WFDC10B: variants seen among roughly 807,000 people sequenced by gnomAD.
WFDC10B encodes WAP four-disulfide core domain 10B.
In WFDC10B, 1 loss-of-function variant was observed where a neutral mutation model predicts 2.7. That is an observed-to-expected ratio of 0.38 (90% CI 0.13 to 1.79). The LOEUF (loss-of-function observed/expected upper bound fraction) is 1.79, where lower values mean the gene tolerates loss of function less well. WFDC10B is among the 40% of genes most tolerant of loss of function. The pLI is 0.33. For missense variants in WFDC10B, 71 were observed against 87.8 expected (o/e 0.81, Z 0.76); for synonymous variants, 26 against 32.2 (o/e 0.81, Z 0.65).
chr20:45,691,121 T>C (rs1983798419), intron 2 of WFDC10B, among the ~76,000 whole-genome samples: 1 of 152,182 alleles, frequency 6.6e-6, no homozygotes. Context: ...AGCAGGTTGT[T>C]CAGTTTCCAT....
chr20:45,689,741 G>A (rs1411311072), intron 2 of WFDC10B, among the ~76,000 whole-genome samples: 5 of 152,266 alleles, frequency 3.3e-5, no homozygotes, highest in African/African-American at 9.6e-5. Context: ...GAGATTTTGG[G>A]CTGAGACAAT....
chr20:45,698,523 C>A (rs1245899574), intron 2 of WFDC10B, among the ~76,000 whole-genome samples: 4 of 147,938 alleles, frequency 2.7e-5, no homozygotes, highest in African/African-American at 7.5e-5. Context: ...TTGAAAAAAT[C>A]ATCTATCTGG....
At chr20:45,702,064 A>T in intron 2 of WFDC10B, 1 of 1,512,380 alleles carries the variant, frequency 6.6e-7, no homozygotes, top group Non-Finnish European at 9.1e-7. Flanking sequence ...TCCTCACAGC[A>T]GTGCCTGGTC....
At chr20:45,686,157 G>A (rs1983610623) in intron 2 of WFDC10B, 101 bp from the exon 3 acceptor site, 1 of 1,374,882 alleles carries the variant, frequency 7.3e-7, no homozygotes, top group South Asian at 1.5e-5. Context: ...TCCTGCCCTT[G>A]CCTTCTCCTG....
intron 2 of WFDC10B, among the ~76,000 whole-genome samples, chr20:45,692,369 C>T (rs181659281): frequency 2.0e-5 from 3 of 151,938 alleles, no homozygotes; most frequent in Admixed American, 6.6e-5. Context: ...TTTCCTGAAT[C>T]TGAATGTTGG....
At chr20:45,695,126 G>A (rs1015951739) in intron 2 of WFDC10B, among the ~76,000 whole-genome samples, 8 of 152,198 alleles carry the variant, frequency 5.3e-5, no homozygotes, top group African/African-American at 1.7e-4. Context: ...TTTCAGATGG[G>A]ATTGTGGGAG....
At chr20:45,696,602 A>G (rs753252543) in intron 2 of WFDC10B, among the ~76,000 whole-genome samples, 2 of 147,834 alleles carry the variant, frequency 1.4e-5, no homozygotes, top group Non-Finnish European at 2.9e-5. Flanking sequence ...TAAAAAAATT[A>G]TAAGAGAATA....
At chr20:45,699,062 AT>A (rs1460362435) in intron 2 of WFDC10B, among the ~76,000 whole-genome samples, 4 of 152,208 alleles carry the variant, frequency 2.6e-5, no homozygotes, top group Admixed American at 2.6e-4. Flanking sequence ...GGAAATACAA[AT>A]AAAAACCATG....
At chr20:45,704,687 C>CT (rs11361717) in intron 1 of WFDC10B, 126 bp from the exon 2 acceptor site, 65,877 of 1,295,478 alleles carry the variant, frequency 0.051, no homozygotes, top group Non-Finnish European at 0.059. Context: ...TGGATCTCTC[C>CT]TTTTTTTTTT....
chr20:45,690,154 G>A (rs1346359052), intron 2 of WFDC10B, among the ~76,000 whole-genome samples: 77 of 151,820 alleles, frequency 5.1e-4, no homozygotes, highest in African/African-American at 1.5e-3. Context: ...ATTGATTTGC[G>A]TATATTGAAC....
intron 2 of WFDC10B, among the ~76,000 whole-genome samples, chr20:45,701,435 G>T (rs1464352544): frequency 6.6e-6 from 1 of 152,106 alleles, no homozygotes; most frequent in Non-Finnish European, 1.5e-5. Context: ...TAGTTGAAAA[G>T]TTATGATAAC....
chr20:45,702,328 A>G, intron 2 of WFDC10B: 1 of 1,064,014 alleles, frequency 9.4e-7, no homozygotes, highest in South Asian at 1.5e-5. Flanking sequence ...CAAGGGCCCA[A>G]GCTTTATTGT....
intron 2 of WFDC10B, among the ~76,000 whole-genome samples, chr20:45,695,053 A>G (rs1488982047): frequency 2.0e-5 from 3 of 152,184 alleles, no homozygotes; most frequent in African/African-American, 7.2e-5. Context: ...TTTATAATAA[A>G]CTGATAAACC....
chr20:45,694,220 G>A (rs1288525415), intron 2 of WFDC10B, among the ~76,000 whole-genome samples: 1 of 152,176 alleles, frequency 6.6e-6, no homozygotes, highest in African/African-American at 2.4e-5. Flanking sequence ...CCTATGTCCT[G>A]AATGGTATTG....
At chr20:45,690,626 G>A (rs191888864) in intron 2 of WFDC10B, among the ~76,000 whole-genome samples, 227 of 152,046 alleles carry the variant, frequency 1.5e-3, no homozygotes, top group South Asian at 7.9e-3. Context: ...GTTTATTTTC[G>A]TAGAGGTGTT....
At chr20:45,690,866 G>T (rs1193470617) in intron 2 of WFDC10B, among the ~76,000 whole-genome samples, 2 of 151,918 alleles carry the variant, frequency 1.3e-5, no homozygotes, top group East Asian at 3.9e-4. Context: ...GTTATTTCTT[G>T]CTTTCTGCTA....
Position 45,704,397 on chromosome 20 carries a change from C to T in WFDC10B, c.-65+100G>A, listed in dbSNP as rs1984300720. On this transcript the variant is annotated intron_variant, in intron 2 of 3. Coordinates refer to ENST00000330523, the MANE Select transcript of WFDC10B (RefSeq NM_172006.2). ...TGGGCTTTCTGAGTTCTGAACATTA[C>T]TCCAGCCTGTTGGTGAGGCCCTTCT... The T allele has an allele frequency of 2.5e-6, 4 of 1,581,486 alleles. No homozygotes were observed. The South Asian group carries it at 3.5e-5, about 14-fold the overall frequency.
intron 2 of WFDC10B, among the ~76,000 whole-genome samples, chr20:45,691,127 T>C (rs1430494369): frequency 6.6e-6 from 1 of 152,188 alleles, no homozygotes; most frequent in Non-Finnish European, 1.5e-5. Context: ...TTGTTCAGTT[T>C]CCATGTAGTT....
intron 2 of WFDC10B, among the ~76,000 whole-genome samples, chr20:45,687,069 A>G (rs1983643273): frequency 2.0e-5 from 3 of 152,170 alleles, no homozygotes; most frequent in African/African-American, 7.2e-5. Flanking sequence ...GGTTTGTTGC[A>G]TGTGCTGTGG....
Sources: allele counts gnomAD v4.1 joint callset (sites outside exome capture counted in the v4.1 genomes callset), GRCh38; gene constraint gnomAD v4.1.1; transcripts MANE v1.5; gene names NCBI Gene and HGNC (gene_info 2026-07-23, HGNC 2026-07-21).